The following SLC34A3 variants were observed in gnomAD, a reference collection of about 807,000 sequenced individuals.
SLC34A3 encodes solute carrier family 34 member 3, also known as sodium-dependent phosphate transport protein 2C.
Under a neutral mutation model 43.9 loss-of-function variants are expected in SLC34A3, and 60 were observed. That is an observed-to-expected ratio of 1.37 (90% CI 1.11 to 1.70). SLC34A3 has a LOEUF of 1.70. Ranked by LOEUF, SLC34A3 falls within the 40% of genes most tolerant of loss-of-function variation. The pLI, the probability that SLC34A3 is intolerant of heterozygous loss-of-function variation, is 0.00. For missense variants in SLC34A3, 969 were observed against 823.8 expected, an observed-to-expected ratio of 1.18 and a Z score of -2.16; for synonymous variants, 451 against 386.2, an observed-to-expected ratio of 1.17 and a Z score of -1.97.
chr9:137,233,849 C>T lies in SLC34A3; in HGVS notation c.847-14C>T. The T allele has an allele frequency of 6.2e-7, 1 of 1,603,486 alleles. No individual in the cohort carries two copies. The highest frequency in any genetic ancestry group is 8.5e-7 in the Non-Finnish European group (1 of 1,176,194). The stretch of plus-strand genomic sequence containing the variant: ...CCCACTGAGCCTGTCCTGAGTCCTC[C>T]CTGCCCTCCCCAGACCCAGGAGAAC... On this transcript the variant is annotated splice_polypyrimidine_tract_variant and intron_variant, in intron 8 of 12. Coordinates refer to ENST00000673835, the MANE Select transcript of SLC34A3 (RefSeq NM_001177316.2).
chr9:137,235,943 C>G lies in SLC34A3; in HGVS notation c.1336-9C>G. 6.2e-7 allele frequency: 1 copy of G among 1,610,714 alleles called. No individual in the cohort carries two copies. The highest frequency in any genetic ancestry group is 8.5e-7 in the Non-Finnish European group (1 of 1,179,456). On this transcript the variant is annotated splice_polypyrimidine_tract_variant and intron_variant, in intron 12 of 12. Coordinates refer to ENST00000673835, the MANE Select transcript of SLC34A3 (RefSeq NM_001177316.2). Reference sequence around the variant, plus strand: ...GGGCCCAGGCCCCTGACAGCCCCCTCGCCCCCAGGTCGCCCTCATCCACTT... The same window carrying G: ...GGGCCCAGGCCCCTGACAGCCCCCTGGCCCCCAGGTCGCCCTCATCCACTT...
At chr9:137,232,749 T>A in intron 4 of SLC34A3, 35 bp from the exon 5 acceptor site, 1 of 1,612,918 alleles carries the variant, frequency 6.2e-7, no homozygotes, top group African/African-American at 1.3e-5. Flanking sequence ...CAACCAGCCC[T>A]CCGCAGCTTC....
Position 137,235,994 on chromosome 9 carries a change from C to A in SLC34A3, c.1378C>A (p.Leu460Met). The change falls in exon 13 of 13, where the codon CTG becomes ATG. Residue 460 changes from leucine (L) to methionine (M), a missense_variant. By Grantham distance (15) the Leu-to-Met change is conservative. Transcript: ENST00000673835. ...HFFFNLAGIL[L>M]WYLVPALRLP... is the part of the protein sequence containing the mutation. ...CTTCTTCAACCTGGCCGGCATCCTG[C>A]TGTGGTACCTGGTGCCTGCACTGCG... 1 of 1,612,620 alleles carries A rather than the reference C, an allele frequency of 6.2e-7. No individual in the cohort carries two copies. Among genetic ancestry groups the A allele is most frequent in the Non-Finnish European group, 8.5e-7 (1 of 1,179,890 alleles).
chr9:137,232,155 T>C lies in SLC34A3; in HGVS notation c.169T>C (p.Trp57Arg). ...TCAGCTGAAGGACACAAGCCAGCCC[T>C]GGAAAGGTGGGTCTGGAGGTTCCGG... ...LPQLKDTSQP[W>R]KELRVAGRLR... Residue 57 changes from tryptophan to arginine, a missense_variant, in exon 3 of 13, where the codon TGG (tryptophan) becomes CGG (arginine). Physicochemically the swap from Trp to Arg is moderately radical, Grantham distance 101. Transcript: ENST00000673835. 1.9e-6 allele frequency: 3 copies of C among 1,612,946 alleles called. No homozygotes were observed. The highest frequency in any genetic ancestry group is 2.5e-6 in the Non-Finnish European group (3 of 1,179,912).
chr9:137,232,047 G>A (rs781154148), intron 2 of SLC34A3, 25 bp from the exon 3 acceptor site: 25 of 1,608,224 alleles, frequency 1.6e-5, no homozygotes, highest in African/African-American at 4.0e-5. Flanking sequence ...CCTGGAAACA[G>A]CCGTACTCAA....
rs28434439 is a variant in SLC34A3, at chr9:137,235,809, T to C, written c.1336-143T>C. The C allele has an allele frequency of 0.23, 171,488 of 758,398 alleles. 20,451 individuals carry two copies. The highest frequency in any genetic ancestry group is 0.33 in the African/African-American group (19,266 of 57,528). The allele number at this position is 758,398 out of a possible 1,614,324, so 47.0% of individuals were successfully genotyped here. On this transcript the variant is annotated intron_variant, in intron 12 of 12. Transcript: ENST00000673835. ...TGTCCACATCTGGCCACAGCCCGCC[T>C]CCCAGACGGCCATCTCATCCGTGAA...
At chr9:137,235,149 C>T (rs1321939729) in intron 12 of SLC34A3, among the ~76,000 whole-genome samples, 2 of 152,016 alleles carry the variant, frequency 1.3e-5, no homozygotes, top group Non-Finnish European at 2.9e-5. Context: ...CTGCAAAGGC[C>T]GAGTCCCACC....
In SLC34A3 at chr9:137,234,383, C is replaced by A; in HGVS notation, c.1094-33C>A. The A allele has an allele frequency of 2.5e-6, 4 of 1,594,546 alleles. No individual in the cohort carries two copies. Among genetic ancestry groups the A allele is most frequent in the South Asian group, 1.1e-5 (1 of 90,166 alleles). On this transcript the variant is annotated intron_variant, in intron 10 of 12. Coordinates refer to ENST00000673835, the MANE Select transcript of SLC34A3 (RefSeq NM_001177316.2). The surrounding 1 kb of genome is among the most constrained non-coding windows in gnomAD (Gnocchi z 6.9). Reference sequence around the variant, plus strand: ...GGGGCTACCTGGCCCTCCTTGTGGGCGCTGGCCAGGGCTGACCCGGCATCC... The same window carrying A: ...GGGGCTACCTGGCCCTCCTTGTGGGAGCTGGCCAGGGCTGACCCGGCATCC...
At position 137,236,291 on chromosome 9, in the gene SLC34A3, C is replaced by G; in HGVS notation, c.1675C>G (p.Leu559Val). 2 of 1,542,920 alleles carry G rather than the reference C, an allele frequency of 1.3e-6. No homozygotes were observed. Among genetic ancestry groups the G allele is most frequent in the Non-Finnish European group, 1.7e-6 (2 of 1,146,780 alleles). ...WAWLPVWLHS[L>V]EPWDRLVTRC... ...CTGGCTCCCCGTCTGGCTCCATTCT[C>G]TGGAGCCCTGGGACCGCCTGGTGAC... is the stretch of plus-strand genomic sequence containing the variant. Residue 559 changes from leucine to valine, a missense_variant, in exon 13 of 13, where the codon CTG (leucine) becomes GTG (valine). Coordinates refer to ENST00000673835, the MANE Select transcript of SLC34A3 (RefSeq NM_001177316.2).
rs1836291676 is a variant in SLC34A3, at chr9:137,232,623, A to C, written c.224A>C (p.Lys75Thr). Residue 75 changes from lysine (K) to threonine (T), a missense_variant, in exon 4 of 13, where the codon AAG becomes ACG. Transcript: ENST00000673835. ...RLRRVAGSVL[K>T]ACGLLGSLYF... ...CGCCGCGTGGCCGGCAGCGTCCTCAAGGCCTGCGGGCTCCTCGGCAGCCTG... is the reference window on the plus strand; with the variant it reads ...CGCCGCGTGGCCGGCAGCGTCCTCACGGCCTGCGGGCTCCTCGGCAGCCTG... The C allele has an allele frequency of 6.2e-7, 1 of 1,612,432 alleles. No homozygotes were observed. Among genetic ancestry groups the C allele is most frequent in the South Asian group, 1.1e-5 (1 of 91,086 alleles).
rs939469698 is a variant in SLC34A3 at position 137,236,369 on chromosome 9, G to A, written c.1753G>A (p.Ala585Thr). 70 of 1,539,678 alleles carry A rather than the reference G, an allele frequency of 4.5e-5. No individual in the cohort carries two copies. Among genetic ancestry groups the A allele is most frequent in the Admixed American group, 5.9e-5 (3 of 50,978 alleles). ...CSPPKATTKE[A>T]YCYENPEILA... Reference sequence around the variant, plus strand: ...CCCCCCGAAGGCCACCACCAAAGAGGCCTACTGCTACGAGAACCCTGAGAT... The same window carrying A: ...CCCCCCGAAGGCCACCACCAAAGAGACCTACTGCTACGAGAACCCTGAGAT... The change falls in exon 13 of 13, where the codon GCC becomes ACC. Residue 585 changes from alanine to threonine, a missense_variant. Physicochemically the swap from Ala to Thr is moderately conservative, Grantham distance 58. Transcript: ENST00000673835.
At chr9:137,231,848 G>A (rs1836238201) in intron 2 of SLC34A3, 61 bp downstream of exon 2, 17 of 1,445,234 alleles carry the variant, frequency 1.2e-5, no homozygotes, top group Admixed American at 1.7e-5. Context: ...CCCAGGCACT[G>A]GGCAGAGACA....
rs781417221 is a variant in SLC34A3, at chr9:137,233,887, G to A, written c.871G>A (p.Ala291Thr). ...GACCCAGGAGAACAGCAGCTGTGGC[G>A]CCTTCGGCCCGTGCACAGAGAAGAA... ...QPTQENSSCG[A>T]FGPCTEKNST... Residue 291 changes from alanine to threonine, a missense_variant, in exon 9 of 13, where the codon GCC becomes ACC. Physicochemically the swap from Ala to Thr is moderately conservative, Grantham distance 58 (BLOSUM62 0). Coordinates refer to ENST00000673835, the MANE Select transcript of SLC34A3 (RefSeq NM_001177316.2). The A allele has an allele frequency of 4.4e-6, 7 of 1,607,504 alleles. No individual in the cohort carries two copies. Among genetic ancestry groups the A allele is most frequent in the East Asian group, 2.2e-5 (1 of 44,694 alleles).
rs1836416373 is a variant in SLC34A3, at chr9:137,234,049, C to G, written c.926-60C>G. ...CCGGCGGACAGGCTGCCCTGTGAGGCCCGGCCCACCCCGGCCCACCCCCCA... is the reference window on the plus strand; with the variant it reads ...CCGGCGGACAGGCTGCCCTGTGAGGGCCGGCCCACCCCGGCCCACCCCCCA... On this transcript the variant is annotated intron_variant, in intron 9 of 12. Coordinates refer to ENST00000673835, the MANE Select transcript of SLC34A3 (RefSeq NM_001177316.2). This position sits in a 1 kb window ranked among gnomAD's most constrained non-coding sequence, Gnocchi z 6.9. 1 of 1,288,186 alleles carries G rather than the reference C, an allele frequency of 7.8e-7. No homozygotes were observed. Among genetic ancestry groups the G allele is most frequent in the Non-Finnish European group, 1.1e-6 (1 of 926,214 alleles). The allele number at this position is 1,288,186 out of a possible 1,614,324, so 79.8% of individuals were successfully genotyped here. A position where few individuals can be genotyped will look rare whatever the true frequency, so the allele number is the denominator to read the frequency against.
chr9:137,234,226 CTG>C lies in SLC34A3; in HGVS notation c.1046_1047del (p.Val349AlafsTer243), dbSNP rs750178720. The C allele has an allele frequency of 1.1e-5, 17 of 1,609,508 alleles. No individual in the cohort carries two copies. Among genetic ancestry groups the C allele is most frequent in the Admixed American group, 3.3e-5 (2 of 59,730 alleles). The stretch of plus-strand genomic sequence containing the variant: ...GTCCTCATAGTCAAGCTGCTCAACT[CTG>C]TGCTGCGCGGCCGCGTGGCCCAGGT... On this transcript the variant is annotated frameshift_variant, in exon 10 of 13. Coordinates refer to ENST00000673835, the MANE Select transcript of SLC34A3 (RefSeq NM_001177316.2). LOFTEE classifies it high-confidence loss of function. This position sits in a 1 kb window ranked among gnomAD's most constrained non-coding sequence, Gnocchi z 6.9.
At chr9:137,232,972 G>A in intron 5 of SLC34A3, 32 bp from the exon 6 acceptor site, 1 of 1,607,530 alleles carries the variant, frequency 6.2e-7, no homozygotes. Context: ...GGCAGGGTGG[G>A]CCGCAGGCTG....
chr9:137,231,215 A>ATCTC, intron 1 of SLC34A3: 1 of 188,602 alleles, frequency 5.3e-6, no homozygotes, highest in Non-Finnish European at 1.1e-5. Flanking sequence ...AAGTGGTGTG[A>ATCTC]GGACCCCACC....
At chr9:137,230,305 C>A (rs1037059964), upstream of SLC34A3, among the ~76,000 whole-genome samples, 1 of 152,190 alleles carries the variant, frequency 6.6e-6, no homozygotes, top group Non-Finnish European at 1.5e-5. Context: ...GCCGCCGTCG[C>A]TGGCTATACC....
At position 137,232,702 on chromosome 9, in the gene SLC34A3, CAGTG is replaced by C. The variant is rs1412767879; in HGVS notation, c.304+5_304+8del. ...TCAGCTCCGCCTTCCAGCTGCTGGGCAGTGAGTGACGGGACGGGTGCCCAGGGCG... is the reference window on the plus strand; with the variant it reads ...TCAGCTCCGCCTTCCAGCTGCTGGGCAGTGACGGGACGGGTGCCCAGGGCG... On this transcript the variant is annotated splice_donor_variant and splice_donor_region_variant and coding_sequence_variant and intron_variant, in exon 4 of 13. Transcript: ENST00000673835. LOFTEE classifies it high-confidence loss of function. 6.2e-7 allele frequency: 1 copy of C among 1,612,824 alleles called. No homozygotes were observed. Among genetic ancestry groups the C allele is most frequent in the Non-Finnish European group, 8.5e-7 (1 of 1,179,960 alleles).
Sources: allele counts gnomAD v4.1 joint callset (sites outside exome capture counted in the v4.1 genomes callset), GRCh38; gene constraint gnomAD v4.1.1; non-coding constraint Gnocchi (gnomAD v3.1); transcripts MANE v1.5; gene names NCBI Gene and HGNC (gene_info 2026-07-23, HGNC 2026-07-21).